The following GPD2 variants were observed in gnomAD, a reference collection of about 807,000 sequenced individuals.
The protein encoded by GPD2 is glycerol-3-phosphate dehydrogenase, mitochondrial.
Under a neutral mutation model 82.4 loss-of-function variants are expected in GPD2, and 54 were observed. That is an observed-to-expected ratio of 0.66 (90% confidence interval 0.53 to 0.82). The LOEUF is 0.82. GPD2 is among the 40% of genes least tolerant of loss of function. The probability of loss-of-function intolerance (pLI) is 0.00; values close to 1 mark genes in which losing one functional copy is unlikely to be tolerated. For synonymous variants in GPD2, 288 were observed against 306.1 expected (o/e 0.94, Z 0.62); for missense variants, 748 against 896.2 (o/e 0.83, Z 2.11).
At chr2:156,451,093 T>A (rs1682545364) in intron 1 of GPD2, among the ~76,000 whole-genome samples, 1 of 148,492 alleles carries the variant, frequency 6.7e-6, no homozygotes, top group Admixed American at 6.7e-5. Context: ...ACCATCCGAT[T>A]TCTCAATCTT....
the GPD2 span, among the ~76,000 whole-genome samples, chr2:156,411,131 T>G: frequency 6.6e-6 from 1 of 152,090 alleles, no homozygotes; most frequent in Admixed American, 6.6e-5. Flanking sequence ...ACACTTCTAG[T>G]TAACAGATGA....
intron 6 of GPD2, among the ~76,000 whole-genome samples, chr2:156,535,092 G>A (rs1234242693): frequency 2.7e-5 from 4 of 150,856 alleles, no homozygotes; most frequent in South Asian, 2.1e-4. Flanking sequence ...GTAGGGTGGT[G>A]TAGGGCCTGA....
At position 156,569,264 on chromosome 2, in the gene GPD2, A is replaced by G. The variant is rs1175901248; in HGVS notation, c.1301-99A>G. ...TTACACAATCCCATGTTTGTTACAA[A>G]CAACAGGAAAATTTTGTTATTGGTA... On this transcript the variant is annotated intron_variant, in intron 10 of 16. Coordinates refer to ENST00000438166, the MANE Select transcript of GPD2 (RefSeq NM_000408.5). 2.0e-5 allele frequency: 17 copies of G among 830,718 alleles called. No homozygotes were observed. In the East Asian group the frequency reaches 4.3e-4, roughly 21 times the overall value. 51.5% of individuals were successfully genotyped at this position (830,718 alleles called of 1,614,324 possible). A position where few individuals can be genotyped will look rare whatever the true frequency, so the allele number is the denominator to read the frequency against.
At chr2:156,529,062 A>G (rs4597465) in intron 6 of GPD2, among the ~76,000 whole-genome samples, 86,073 of 135,208 alleles carry the variant, frequency 0.64, 27,026 homozygotes, top group East Asian at 0.77. Context: ...CAACAGTGTA[A>G]AAGTGTTCCT....
At chr2:156,551,485 A>T (rs950680672) in intron 8 of GPD2, among the ~76,000 whole-genome samples, 3 of 152,198 alleles carry the variant, frequency 2.0e-5, no homozygotes, top group Admixed American at 1.3e-4. Context: ...TCGTATGGCC[A>T]TGCTAAGGGT....
chr2:156,481,630 C>T (rs1210377157), intron 2 of GPD2, among the ~76,000 whole-genome samples: 1 of 151,664 alleles, frequency 6.6e-6, no homozygotes, highest in Non-Finnish European at 1.5e-5. Context: ...TTGCAAATGA[C>T]AGGATTTCAT....
chr2:156,534,753 A>T (rs1189074778), intron 6 of GPD2, among the ~76,000 whole-genome samples: 6 of 152,128 alleles, frequency 3.9e-5, no homozygotes, highest in Non-Finnish European at 8.8e-5. Context: ...ACCATCTATA[A>T]GTCAGCTAAT....
the GPD2 span, among the ~76,000 whole-genome samples, chr2:156,417,013 C>G: frequency 6.6e-6 from 1 of 152,114 alleles, no homozygotes; most frequent in Non-Finnish European, 1.5e-5. Flanking sequence ...TACTCAGGCA[C>G]TTTTGGTCAC....
At chr2:156,404,316 T>G in the GPD2 span, among the ~76,000 whole-genome samples, 1 of 152,058 alleles carries the variant, frequency 6.6e-6, no homozygotes, top group Non-Finnish European at 1.5e-5. Context: ...CCTGGGAGTT[T>G]GAGGCTGGCT....
intron 2 of GPD2, among the ~76,000 whole-genome samples, chr2:156,488,535 TTAAA>T (rs1270634145): frequency 6.6e-6 from 1 of 152,224 alleles, no homozygotes; most frequent in East Asian, 1.9e-4. Flanking sequence ...CCTGTGGTCT[TTAAA>T]TATGCACTTC....
At chr2:156,400,731 C>G in the GPD2 span, among the ~76,000 whole-genome samples, 1 of 152,218 alleles carries the variant, frequency 6.6e-6, no homozygotes, top group African/African-American at 2.4e-5. Flanking sequence ...AGCTAGCAGA[C>G]TGAATGAGTA....
At chr2:156,568,990 C>CTTTTT (rs36082652) in intron 10 of GPD2, 31 bp downstream of exon 10, 189 of 1,254,064 alleles carry the variant, frequency 1.5e-4, no homozygotes, top group South Asian at 3.9e-4. Context: ...ATTTTCTTTT[C>CTTTTT]TTTTTTTTTT....
chr2:156,513,985 G>A (rs1685102354), intron 6 of GPD2, among the ~76,000 whole-genome samples: 1 of 152,176 alleles, frequency 6.6e-6, no homozygotes, highest in African/African-American at 2.4e-5. Context: ...CACAATTCTT[G>A]AATGTATAAT....
chr2:156,466,346 T>C (rs1683148531), intron 1 of GPD2, among the ~76,000 whole-genome samples: 1 of 152,186 alleles, frequency 6.6e-6, no homozygotes, highest in African/African-American at 2.4e-5. Context: ...AAAGCAAACA[T>C]AATAGAAACT....
At chr2:156,579,598 CT>C in intron 15 of GPD2, 91 bp from the exon 16 acceptor site, 2 of 736,654 alleles carry the variant, frequency 2.7e-6, no homozygotes, top group Admixed American at 2.0e-5. Flanking sequence ...TCCCAAAGTG[CT>C]GGGATTACAG....
At chr2:156,559,449 T>C (rs1416853657) in intron 9 of GPD2, among the ~76,000 whole-genome samples, 2 of 152,218 alleles carry the variant, frequency 1.3e-5, no homozygotes, top group African/African-American at 4.8e-5. Context: ...ATAATGTTGA[T>C]GTCAGTGAAG....
intron 6 of GPD2, among the ~76,000 whole-genome samples, chr2:156,532,900 AT>A (rs1384338556): frequency 7.9e-5 from 12 of 152,204 alleles, no homozygotes; most frequent in Non-Finnish European, 1.2e-4. Flanking sequence ...AGTTTTTCTA[AT>A]TTATATTGTG....
rs750342617 is a variant in GPD2 at position 156,582,852 on chromosome 2, A to T, written c.2118A>T (p.Lys706Asn). 1 of 1,613,110 alleles carries T rather than the reference A, an allele frequency of 6.2e-7. No homozygotes were observed. Among genetic ancestry groups the T allele is most frequent in the Non-Finnish European group, 8.5e-7 (1 of 1,179,316 alleles). The change falls in exon 17 of 17, where the codon AAA becomes AAT. Residue 706 changes from lysine (K) to asparagine (N), a missense_variant. By Grantham distance (94) the Lys-to-Asn change is moderately conservative (BLOSUM62 0). Transcript: ENST00000438166. The part of the protein sequence containing the change: ...VSGSRLAILM[K>N]TAEENLDRRV... ...GAAGCCGGCTTGCTATACTAATGAA[A>T]ACTGCAGAAGAGAACCTCGACAGAA...
At chr2:156,553,151 G>C (rs1394622780) in intron 8 of GPD2, among the ~76,000 whole-genome samples, 1 of 152,120 alleles carries the variant, frequency 6.6e-6, no homozygotes, top group East Asian at 1.9e-4. Flanking sequence ...GCCTCCCAAA[G>C]TGCTGGGATT....
Sources: allele counts gnomAD v4.1 joint callset (sites outside exome capture counted in the v4.1 genomes callset), GRCh38; gene constraint gnomAD v4.1.1; transcripts MANE v1.5; gene names NCBI Gene and HGNC (gene_info 2026-07-23, HGNC 2026-07-21).